UTRN: variants seen among roughly 807,000 people sequenced by gnomAD.
The protein encoded by UTRN is dystrophin-related protein 1.
A neutral mutation model predicts 463.9 loss-of-function variants in UTRN; 283 were observed. The observed-to-expected ratio is 0.61, with a 90% CI of 0.55 to 0.67. UTRN has a LOEUF of 0.67. Ranked by LOEUF, UTRN falls within the 30% of genes least tolerant of loss-of-function variation. The pLI, the probability that UTRN is intolerant of heterozygous loss-of-function variation, is 0.00. For synonymous variants in UTRN, 1,442 were observed against 1,431.5 expected (o/e 1.01, Z -0.17); for missense variants, 3,922 against 4,084.3 (o/e 0.96, Z 1.08).
chr6:144,632,237 G>A (rs1562679479), intron 51 of UTRN, among the ~76,000 whole-genome samples: 1 of 151,996 alleles, frequency 6.6e-6, no homozygotes, highest in Non-Finnish European at 1.5e-5. Flanking sequence ...TTGGTTTTTG[G>A]TTATTCATAT....
At chr6:144,484,034 T>C (rs556819088) in intron 27 of UTRN, among the ~76,000 whole-genome samples, 19 of 152,346 alleles carry the variant, frequency 1.2e-4, no homozygotes, top group Admixed American at 5.2e-4. Context: ...ATTCAGTACA[T>C]TCAAGACGAC....
intron 51 of UTRN, among the ~76,000 whole-genome samples, chr6:144,578,561 TTGACTTTAAGTGATCCACC>T (rs1201772919): frequency 1.3e-5 from 2 of 152,106 alleles, no homozygotes; most frequent in Non-Finnish European, 2.9e-5. Flanking sequence ...TCTCAAACTC[TTGACTTTAAGTGATCCACC>T]TGCCTCGGTC....
intron 2 of UTRN, among the ~76,000 whole-genome samples, chr6:144,393,129 T>G (rs1782093335): frequency 6.6e-6 from 1 of 152,174 alleles, no homozygotes; most frequent in Non-Finnish European, 1.5e-5. Context: ...ATAACATGGT[T>G]TTTAAATCCA....
chr6:144,689,791 C>G (rs1783133711), intron 52 of UTRN, among the ~76,000 whole-genome samples: 1 of 151,904 alleles, frequency 6.6e-6, no homozygotes, highest in African/African-American at 2.4e-5. Context: ...TAGTAACGAA[C>G]AGGTCACGTG....
intron 74 of UTRN, among the ~76,000 whole-genome samples, chr6:144,849,067 G>A (rs1782265771): frequency 6.6e-6 from 1 of 152,076 alleles, no homozygotes; most frequent in African/African-American, 2.4e-5. Context: ...TCAGGTAGAT[G>A]CAGATATTGA....
At chr6:144,836,104 A>C (rs1054440795) in intron 70 of UTRN, among the ~76,000 whole-genome samples, 166 bp downstream of exon 70, 1 of 152,204 alleles carries the variant, frequency 6.6e-6, no homozygotes, top group Non-Finnish European at 1.5e-5. Context: ...ATACAGCAGC[A>C]TTTGGGGGTT....
At chr6:144,783,870 A>G (rs1287554619) in intron 61 of UTRN, among the ~76,000 whole-genome samples, 1 of 152,200 alleles carries the variant, frequency 6.6e-6, no homozygotes, top group African/African-American at 2.4e-5. Flanking sequence ...AGTTACCATA[A>G]TGAATACGGG....
intron 58 of UTRN, among the ~76,000 whole-genome samples, chr6:144,760,728 A>G: frequency 6.6e-6 from 1 of 152,214 alleles, no homozygotes; most frequent in East Asian, 1.9e-4. Flanking sequence ...CTTCAAAAGT[A>G]GAAGAAAAAT....
chr6:144,603,700 T>A (rs981580485), intron 51 of UTRN, among the ~76,000 whole-genome samples: 1 of 152,188 alleles, frequency 6.6e-6, no homozygotes, highest in Non-Finnish European at 1.5e-5. Flanking sequence ...GTAAAAACTT[T>A]CGATATTTCA....
intron 34 of UTRN, among the ~76,000 whole-genome samples, chr6:144,506,564 T>C (rs1457878569): frequency 2.0e-5 from 3 of 152,224 alleles, no homozygotes; most frequent in Non-Finnish European, 2.9e-5. Flanking sequence ...AAAATTCTTT[T>C]CTTTAAGAAT....
Position 144,671,420 on chromosome 6 carries a change from C to A in UTRN, c.7480-6986C>A, listed in dbSNP as rs1447630750. On this transcript the variant is annotated intron_variant, in intron 51 of 74. Transcript: ENST00000367545. ...CAGCTATTTTAAAAGGGGTTGAATT[C>A]TTGATTTGTTCTCGGCTTGGTCACT... is the stretch of plus-strand genomic sequence containing the variant. 2.0e-5 allele frequency among the ~76,000 whole-genome samples: 3 copies of A among 151,744 alleles called. No individual in the cohort carries two copies. The East Asian group carries it at 5.8e-4, about 29-fold the overall frequency.
intron 2 of UTRN, among the ~76,000 whole-genome samples, chr6:144,391,377 C>T (rs993415000): frequency 9.2e-5 from 14 of 152,106 alleles, no homozygotes; most frequent in African/African-American, 3.4e-4. Flanking sequence ...GTCCCCAGTT[C>T]TTATTATGTC....
chr6:144,474,865 C>A (rs1791025815), intron 25 of UTRN, 106 bp downstream of exon 25: 3 of 1,298,368 alleles, frequency 2.3e-6, no homozygotes, highest in East Asian at 4.9e-5. Flanking sequence ...AAACGATGGT[C>A]TAGAATAACT....
At chr6:144,769,392 G>C (rs188561029) in intron 58 of UTRN, among the ~76,000 whole-genome samples, 18 of 152,058 alleles carry the variant, frequency 1.2e-4, no homozygotes, top group African/African-American at 4.1e-4. Flanking sequence ...TTTCTGTGTT[G>C]GCAGTTCTGC....
At chr6:144,516,614 G>A (rs991821071) in intron 38 of UTRN, among the ~76,000 whole-genome samples, 197 bp from the exon 39 acceptor site, 1 of 151,728 alleles carries the variant, frequency 6.6e-6, no homozygotes, top group Middle Eastern at 3.4e-3. Flanking sequence ...TCTAATGTTT[G>A]CTAAACTCTC....
At position 144,746,940 on chromosome 6, in the gene UTRN, T is replaced by C. The variant is rs532443453; in HGVS notation, c.7940-1306T>C. ...GCACAACTTGTAGTTCTGCGGTTGCTAAATATCAATGTCTAGAATTTTTTT... is the reference window on the plus strand; with the variant it reads ...GCACAACTTGTAGTTCTGCGGTTGCCAAATATCAATGTCTAGAATTTTTTT... On this transcript the variant is annotated intron_variant, in intron 54 of 74. Transcript: ENST00000367545. 3.9e-5 allele frequency among the ~76,000 whole-genome samples: 6 copies of C among 152,370 alleles called. No homozygotes were observed. The East Asian group carries it at 1.2e-3, about 29-fold the overall frequency.
intron 34 of UTRN, among the ~76,000 whole-genome samples, chr6:144,504,238 CT>C (rs1794495833): frequency 6.6e-6 from 1 of 152,160 alleles, no homozygotes; most frequent in Non-Finnish European, 1.5e-5. Context: ...ATTTCTTTCT[CT>C]TTCCTGATTG....
intron 6 of UTRN, among the ~76,000 whole-genome samples, chr6:144,425,139 T>G (rs1346839105): frequency 2.6e-5 from 4 of 152,200 alleles, no homozygotes; most frequent in Admixed American, 2.6e-4. Context: ...TTGTATTTCA[T>G]GATATTGATA....
At chr6:144,822,404 A>C (rs1306477831) in intron 66 of UTRN, among the ~76,000 whole-genome samples, 1 of 152,250 alleles carries the variant, frequency 6.6e-6, no homozygotes, top group South Asian at 2.1e-4. Flanking sequence ...AGGTCCATGT[A>C]TAACACATAC....
Sources: allele counts gnomAD v4.1 joint callset (sites outside exome capture counted in the v4.1 genomes callset), GRCh38; gene constraint gnomAD v4.1.1; transcripts MANE v1.5; gene names NCBI Gene and HGNC (gene_info 2026-07-23, HGNC 2026-07-21).